FBXL13: variants seen among roughly 807,000 people sequenced by gnomAD.
FBXL13 encodes F-box and leucine-rich repeat protein 13.
In FBXL13, 67 loss-of-function variants were observed where a neutral mutation model predicts 83.6. That is an observed-to-expected ratio of 0.80 (90% confidence interval 0.66 to 0.98). FBXL13 has a LOEUF of 0.98. Among genes scored for constraint, FBXL13 ranks in the 50% least tolerant of loss-of-function variants. The probability of loss-of-function intolerance (pLI) is 0.00; values close to 1 mark genes in which losing one functional copy is unlikely to be tolerated. For synonymous variants in FBXL13, 272 were observed against 299.5 expected, an observed-to-expected ratio of 0.91 and a Z score of 0.95; for missense variants, 822 against 866.5, an observed-to-expected ratio of 0.95 and a Z score of 0.64.
At chr7:103,074,778 G>T (rs1052351126), upstream of FBXL13, 4 of 1,289,064 alleles carry the variant, frequency 3.1e-6, no homozygotes, top group African/African-American at 6.1e-5. Context: ...CATGGCCCAA[G>T]GCCTGACGGA....
At chr7:102,939,488 C>T in intron 8 of FBXL13, 1 of 1,613,794 alleles carries the variant, frequency 6.2e-7, no homozygotes, top group Non-Finnish European at 8.5e-7. Context: ...ACTTGTCATA[C>T]AATAAAATCA....
At chr7:103,017,975 G>A (rs985483405) in intron 6 of FBXL13, among the ~76,000 whole-genome samples, 3 of 151,874 alleles carry the variant, frequency 2.0e-5, no homozygotes, top group East Asian at 3.9e-4. Context: ...TACCGAGAAC[G>A]CCACAAAGAT....
chr7:102,882,628 G>A (rs2129458886), intron 14 of FBXL13, among the ~76,000 whole-genome samples: 1 of 152,228 alleles, frequency 6.6e-6, no homozygotes, highest in East Asian at 1.9e-4. Context: ...CAGGTGGGCT[G>A]GCACACACCT....
intron 17 of FBXL13, among the ~76,000 whole-genome samples, chr7:102,847,207 GAA>G (rs200296509): frequency 7.0e-6 from 1 of 142,108 alleles, no homozygotes. Flanking sequence ...AACTTTACAG[GAA>G]AAAAAAAAAA....
chr7:102,822,868 G>T (rs1798998797), intron 18 of FBXL13, among the ~76,000 whole-genome samples: 1 of 152,110 alleles, frequency 6.6e-6, no homozygotes, highest in Non-Finnish European at 1.5e-5. Flanking sequence ...AACCCAGTTC[G>T]AGACCAGCCT....
At chr7:103,046,046 T>A (rs1336009684) in intron 2 of FBXL13, among the ~76,000 whole-genome samples, 1 of 152,218 alleles carries the variant, frequency 6.6e-6, no homozygotes, top group Non-Finnish European at 1.5e-5. Flanking sequence ...CTCAGGAGGA[T>A]AATACCAAGA....
Position 102,963,675 on chromosome 7 carries a change from A to AT in FBXL13, c.592-11dup. The AT allele has an allele frequency of 1.3e-6, 2 of 1,587,466 alleles. No homozygotes were observed. Among genetic ancestry groups the AT allele is most frequent in the Non-Finnish European group, 1.7e-6 (2 of 1,172,332 alleles). On this transcript the variant is annotated splice_polypyrimidine_tract_variant and intron_variant, in intron 7 of 19. Transcript: ENST00000313221. The stretch of plus-strand genomic sequence containing the variant: ...CTGAGGAAAAATCAATCTAAAAAGA[A>AT]TAAACAAAATGCATTAAGAAATGAG...
chr7:103,070,078 CA>C (rs76010935), intron 1 of FBXL13, among the ~76,000 whole-genome samples: 1,464 of 67,292 alleles, frequency 0.022, 12 homozygotes, highest in African/African-American at 0.065. Context: ...GACTCTGTCT[CA>C]AAAAAAAAAA....
exon 5 of FBXL13, chr7:103,027,518 C>A: frequency 1.2e-6 from 2 of 1,612,944 alleles, no homozygotes; most frequent in Non-Finnish European, 1.7e-6. Context: ...TAATGGTTAG[C>A]TTGTGACAAT....
chr7:102,922,149 C>T (rs537480299), intron 10 of FBXL13, among the ~76,000 whole-genome samples: 1 of 150,270 alleles, frequency 6.7e-6, no homozygotes, highest in Non-Finnish European at 1.5e-5. Context: ...GAGGTCGTGC[C>T]ACTGCATTCC....
intron 17 of FBXL13, among the ~76,000 whole-genome samples, chr7:102,848,767 G>A (rs1804639159): frequency 6.6e-6 from 1 of 152,176 alleles, no homozygotes; most frequent in African/African-American, 2.4e-5. Flanking sequence ...GCCAAGGCAG[G>A]TGCATCACCT....
chr7:103,053,428 C>A (rs1044581934), intron 2 of FBXL13, among the ~76,000 whole-genome samples: 1 of 152,240 alleles, frequency 6.6e-6, no homozygotes, highest in African/African-American at 2.4e-5. Context: ...GCTGGAATTA[C>A]AGGCATGAGC....
chr7:102,983,503 C>T (rs1585238020), intron 6 of FBXL13, among the ~76,000 whole-genome samples: 1 of 148,676 alleles, frequency 6.7e-6, no homozygotes, highest in East Asian at 1.9e-4. Context: ...CACAGAAAAC[C>T]CCACTTCCCA....
intron 16 of FBXL13, among the ~76,000 whole-genome samples, chr7:102,864,667 C>A (rs559414067): frequency 3.3e-5 from 5 of 152,148 alleles, no homozygotes; most frequent in East Asian, 1.9e-4. Context: ...CCGCACCCAG[C>A]CAAGTGTTCA....
chr7:102,940,972 C>T (rs539307970), intron 8 of FBXL13, among the ~76,000 whole-genome samples: 2 of 152,106 alleles, frequency 1.3e-5, no homozygotes, highest in East Asian at 3.9e-4. Flanking sequence ...TAATCTAATA[C>T]CATTAATAGA....
At position 103,016,900 on chromosome 7, in the gene FBXL13, C is replaced by T. The variant is rs551226981; in HGVS notation, c.495+8163G>A. Among the ~76,000 whole-genome samples, 286 of 152,332 alleles carry T rather than the reference C, an allele frequency of 1.9e-3. 1 individual carries two copies. The highest frequency in any genetic ancestry group is 6.7e-3 in the African/African-American group (279 of 41,582). ...CCTCTGTAGACTCCACCTCTAGGGG[C>T]AGGGCATAGCCGAACAAAAGGCAGC... On this transcript the variant is annotated intron_variant, in intron 6 of 19. Coordinates refer to ENST00000313221, the Ensembl canonical transcript of FBXL13.
chr7:102,973,032 T>C (rs1366338375), intron 6 of FBXL13: 1 of 157,270 alleles, frequency 6.4e-6, no homozygotes, highest in Non-Finnish European at 1.4e-5. Flanking sequence ...AATCACCACC[T>C]CACATAATTA....
At chr7:102,826,290 A>T (rs188663649) in intron 18 of FBXL13, among the ~76,000 whole-genome samples, 2 of 152,274 alleles carry the variant, frequency 1.3e-5, no homozygotes, top group East Asian at 3.9e-4. Flanking sequence ...TAGGTTAATA[A>T]CAGGTGGTTT....
intron 2 of FBXL13, 109 bp from the exon 4 acceptor site, chr7:103,029,527 G>A: frequency 3.7e-6 from 2 of 543,772 alleles, no homozygotes; most frequent in Admixed American, 8.6e-5. Context: ...CAAGAGGGAA[G>A]GGAATTGGGC....
Sources: gnomAD v4.1 joint callset for allele counts (sites outside exome capture counted in the v4.1 genomes callset) on GRCh38, gnomAD v4.1.1 for gene constraint, MANE v1.5 for transcripts, NCBI Gene and HGNC (gene_info 2026-07-23, HGNC 2026-07-21) for gene names.